The following SMCR8 variants were observed in gnomAD, a reference collection of about 807,000 sequenced individuals.
SMCR8 encodes the protein SMCR8-C9orf72 complex subunit, also known as guanine nucleotide exchange protein SMCR8.
A neutral mutation model predicts 56.6 loss-of-function variants in SMCR8; 30 were observed. The observed-to-expected ratio is 0.53, with a 90% CI of 0.40 to 0.72. SMCR8 has a LOEUF of 0.72. Ranked by LOEUF, SMCR8 falls within the 30% of genes least tolerant of loss-of-function variation. The pLI, the probability that SMCR8 is intolerant of heterozygous loss-of-function variation, is 0.00. For synonymous variants in SMCR8, 538 were observed against 456.0 expected, an observed-to-expected ratio of 1.18 and a Z score of -2.29; for missense variants, 1,198 against 1,157.0, an observed-to-expected ratio of 1.04 and a Z score of -0.51.
rs1452574411 is a variant in SMCR8 at position 18,326,140 on chromosome 17, C to T, written c.*3070C>T. On this transcript the variant is annotated 3_prime_UTR_variant, in exon 2 of 2. Coordinates refer to ENST00000406438, the MANE Select transcript of SMCR8 (RefSeq NM_144775.3). ...TTTTTAATGAAACCATTAAAAATTA[C>T]ACTTCCCAGAAAATAGATGACATCA... 2 of 152,118 alleles carry T rather than the reference C, an allele frequency of 1.3e-5. No individual in the cohort carries two copies. Among genetic ancestry groups the T allele is most frequent in the African/African-American group, 2.4e-5 (1 of 41,418 alleles). 9.4% of individuals were successfully genotyped at this position (152,118 alleles called of 1,614,324 possible).
chr17:18,325,601 A>G lies in SMCR8; in HGVS notation c.*2531A>G, dbSNP rs983066681. Reference sequence around the variant, plus strand: ...TATGTTTCCTTTCAAAGGGATCTTGACGTGGTACCAGGACTGAGTCATGAT... The same window carrying G: ...TATGTTTCCTTTCAAAGGGATCTTGGCGTGGTACCAGGACTGAGTCATGAT... On this transcript the variant is annotated 3_prime_UTR_variant, in exon 2 of 2. Coordinates refer to ENST00000406438, the MANE Select transcript of SMCR8 (RefSeq NM_144775.3). The G allele has an allele frequency of 3.9e-5, 6 of 152,330 alleles. No individual in the cohort carries two copies. The highest frequency in any genetic ancestry group is 4.1e-4 in the South Asian group (2 of 4,830). 9.4% of individuals were successfully genotyped at this position (152,330 alleles called of 1,614,324 possible).
Position 18,317,403 on chromosome 17 carries a change from A to C in SMCR8, c.1614A>C (p.Pro538=), listed in dbSNP as rs763928265. 2.4e-5 allele frequency: 38 copies of C among 1,613,976 alleles called. No individual in the cohort carries two copies. Among genetic ancestry groups the C allele is most frequent in the Admixed American group, 5.0e-5 (3 of 59,994 alleles). The change falls in exon 1 of 2, where the codon CCA becomes CCC. Residue 538 remains proline, a synonymous_variant. Coordinates refer to ENST00000406438, the MANE Select transcript of SMCR8 (RefSeq NM_144775.3). ...CTGATGACTTTAAGGCCAGCTACCC[A>C]AGTGCCATTAATGAAGAAGAATCAT... The part of the protein sequence containing the change: ...LIPDDFKASY[P]SAINEEESYP...
At chr17:18,322,499 C>A in intron 1 of SMCR8, 118 bp from the exon 2 acceptor site, 1 of 824,652 alleles carries the variant, frequency 1.2e-6, no homozygotes, top group Non-Finnish European at 1.9e-6. Context: ...CCAGGAAGAG[C>A]CAGTGCATGC....
Position 18,327,482 on chromosome 17 carries a change from AGCT to A in SMCR8, c.*4416_*4418del, listed in dbSNP as rs1185933171. 6.6e-6 allele frequency: 1 copy of A among 152,244 alleles called. No homozygotes were observed. Among genetic ancestry groups the A allele is most frequent in the Non-Finnish European group, 1.5e-5 (1 of 68,058 alleles). 9.4% of individuals were successfully genotyped at this position (152,244 alleles called of 1,614,324 possible). The stretch of plus-strand genomic sequence containing the variant: ...TGAGTCAACTCACAGATTCTGCAGC[AGCT>A]GCTCCACCCACAATAAAGCAAACGC... On this transcript the variant is annotated 3_prime_UTR_variant, in exon 2 of 2. Transcript: ENST00000406438.
chr17:18,321,199 C>A (rs193245044), intron 1 of SMCR8, among the ~76,000 whole-genome samples: 1 of 152,260 alleles, frequency 6.6e-6, no homozygotes, highest in East Asian at 1.9e-4. Context: ...ACCTGTCTGA[C>A]GTAAACCCTA....
rs1982289091 is a variant in SMCR8 at position 18,316,467 on chromosome 17, A to G, written c.678A>G (p.Ser226=). 12 of 1,614,080 alleles carry G rather than the reference A, an allele frequency of 7.4e-6. No individual in the cohort carries two copies. Among genetic ancestry groups the G allele is most frequent in the Non-Finnish European group, 1.0e-5 (12 of 1,180,048 alleles). Residue 226 remains serine, a synonymous_variant, in exon 1 of 2, where the codon TCA becomes TCG. Coordinates refer to ENST00000406438, the MANE Select transcript of SMCR8 (RefSeq NM_144775.3). ...QKKANDKGFY[S]SQAIEKANEL... is the part of the protein sequence containing the mutation. ...AAGCCAACGACAAAGGCTTTTACTC[A>G]TCTCAGGCAATTGAGAAAGCCAATG...
In SMCR8 at chr17:18,323,107, CAG is replaced by C. The variant is rs772431614; in HGVS notation, c.*38_*39del. On this transcript the variant is annotated 3_prime_UTR_variant, in exon 2 of 2. Transcript: ENST00000406438. ...GACACTGTGACCAAGACCTGTGACT[CAG>C]GGTATGGGGAGGGGAGGGGTTGGCA... is the stretch of plus-strand genomic sequence containing the variant. The C allele has an allele frequency of 2.4e-5, 37 of 1,569,186 alleles. No homozygotes were observed. The highest frequency in any genetic ancestry group is 3.5e-5 in the South Asian group (3 of 86,280).
At position 18,315,934 on chromosome 17, in the gene SMCR8, TC is replaced by T; in HGVS notation, c.147del (p.Ala51ProfsTer23). The part of the protein sequence containing the change: ...SQGANPWSKL[S>X]GAKFSRDFIL... Reference sequence around the variant, plus strand: ...GGGTGCTAACCCCTGGTCAAAACTGTCCGGGGCCAAGTTTTCGAGGGACTTC... The same window carrying T: ...GGGTGCTAACCCCTGGTCAAAACTGTCGGGGCCAAGTTTTCGAGGGACTTC... On this transcript the variant is annotated frameshift_variant, in exon 1 of 2. Coordinates refer to ENST00000406438, the MANE Select transcript of SMCR8 (RefSeq NM_144775.3). LOFTEE classifies it high-confidence loss of function. 6.2e-7 allele frequency: 1 copy of T among 1,614,180 alleles called. No homozygotes were observed. The highest frequency in any genetic ancestry group is 8.5e-7 in the Non-Finnish European group (1 of 1,180,032).
Position 18,322,521 on chromosome 17 carries a change from A to T in SMCR8, c.2361-96A>T. On this transcript the variant is annotated intron_variant, in intron 1 of 1. Transcript: ENST00000406438. ...GAGCCAGTGCATGCTGGCTAGGTGG[A>T]TGCTGGCCTGGGGACAGGAGGCCTC... The T allele has an allele frequency of 3.6e-6, 4 of 1,104,110 alleles. No individual in the cohort carries two copies. In the South Asian group the frequency reaches 4.2e-5, roughly 11 times the overall value. 68.4% of individuals were successfully genotyped at this position (1,104,110 alleles called of 1,614,324 possible).
Position 18,325,272 on chromosome 17 carries a change from C to T in SMCR8, c.*2202C>T, listed in dbSNP as rs970186333. 1.3e-5 allele frequency: 2 copies of T among 152,218 alleles called. No homozygotes were observed. The highest frequency in any genetic ancestry group is 4.8e-5 in the African/African-American group (2 of 41,442). The allele number at this position is 152,218 out of a possible 1,614,324, so 9.4% of individuals were successfully genotyped here. A position where few individuals can be genotyped will look rare whatever the true frequency, so the allele number is the denominator to read the frequency against. On this transcript the variant is annotated 3_prime_UTR_variant, in exon 2 of 2. Transcript: ENST00000406438. ...CTGAATTGCAGCCACACTTGGCCTT[C>T]TAGAAGCTGAAGTTGTGCCCTCAAG...
chr17:18,319,700 T>G (rs563505978), intron 1 of SMCR8, among the ~76,000 whole-genome samples: 1 of 152,024 alleles, frequency 6.6e-6, no homozygotes, highest in Non-Finnish European at 1.5e-5. Context: ...CATTTGCGGG[T>G]TTTTTTGTTT....
rs375580851 is a variant in SMCR8 at position 18,316,102 on chromosome 17, G to T, written c.313G>T (p.Gly105Cys). 150 of 1,613,982 alleles carry T rather than the reference G, an allele frequency of 9.3e-5. No homozygotes were observed. The highest frequency in any genetic ancestry group is 1.2e-4 in the Non-Finnish European group (146 of 1,180,042). ...MSVDYQASFV[G>C]HPPGSAYPKL... is the part of the protein sequence containing the mutation. ...TGTGGATTACCAGGCTTCCTTCGTG[G>T]GCCATCCTCCTGGATCTGCCTACCC... Residue 105 changes from glycine to cysteine, a missense_variant, in exon 1 of 2, where the codon GGC becomes TGC. Physicochemically the swap from Gly to Cys is radical, Grantham distance 159. Transcript: ENST00000406438.
intron 1 of SMCR8, among the ~76,000 whole-genome samples, chr17:18,320,640 C>T (rs1982470346): frequency 6.6e-6 from 1 of 152,184 alleles, no homozygotes; most frequent in Admixed American, 6.5e-5. Context: ...GGCCATGCAG[C>T]ATGGGTTGAG....
rs1555574362 is a variant in SMCR8 at position 18,322,604 on chromosome 17, CTG to C, written c.2361-11_2361-10del. ...CCTTGCCCTTCCTCCTGACCTTGGCCTGTCTGTTTCAGAGTGGCCTCCCCTGC... is the reference window on the plus strand; with the variant it reads ...CCTTGCCCTTCCTCCTGACCTTGGCCTCTGTTTCAGAGTGGCCTCCCCTGC... On this transcript the variant is annotated splice_polypyrimidine_tract_variant and intron_variant, in intron 1 of 1. Coordinates refer to ENST00000406438, the MANE Select transcript of SMCR8 (RefSeq NM_144775.3). The C allele has an allele frequency of 6.2e-7, 1 of 1,609,646 alleles. No individual in the cohort carries two copies. The highest frequency in any genetic ancestry group is 1.3e-5 in the African/African-American group (1 of 74,992).
Position 18,323,310 on chromosome 17 carries a change from C to T in SMCR8, c.*240C>T. The T allele has an allele frequency of 5.9e-6, 3 of 509,240 alleles. No individual in the cohort carries two copies. The East Asian group carries it at 9.5e-5, about 16-fold the overall frequency. The allele number at this position is 509,240 out of a possible 1,614,324, so 31.5% of individuals were successfully genotyped here. On this transcript the variant is annotated 3_prime_UTR_variant, in exon 2 of 2. Coordinates refer to ENST00000406438, the MANE Select transcript of SMCR8 (RefSeq NM_144775.3). ...ATTTGGCTCCCTGGTGAAGAGTGGC[C>T]CCTGGATATGGAGGGGGCCTTGGTT...
intron 1 of SMCR8, among the ~76,000 whole-genome samples, chr17:18,322,095 TC>T (rs1162172206): frequency 6.6e-6 from 1 of 152,216 alleles, no homozygotes; most frequent in Non-Finnish European, 1.5e-5. Context: ...CACTGCAAGC[TC>T]TGCCTCCTGG....
Position 18,324,792 on chromosome 17 carries a change from T to G in SMCR8, c.*1722T>G, listed in dbSNP as rs983039784. ...CTTGCTCCCATCAGAGGTGTTTGATTTTGCTCCTGGGGCTGCGATGGAGAA... is the reference window on the plus strand; with the variant it reads ...CTTGCTCCCATCAGAGGTGTTTGATGTTGCTCCTGGGGCTGCGATGGAGAA... On this transcript the variant is annotated 3_prime_UTR_variant, in exon 2 of 2. Transcript: ENST00000406438. 6.6e-6 allele frequency: 1 copy of G among 152,290 alleles called. No homozygotes were observed. Among genetic ancestry groups the G allele is most frequent in the Non-Finnish European group, 1.5e-5 (1 of 68,084 alleles). 9.4% of individuals were successfully genotyped at this position (152,290 alleles called of 1,614,324 possible). A position where few individuals can be genotyped will look rare whatever the true frequency, so the allele number is the denominator to read the frequency against.
rs1032946195 is a variant in SMCR8, at chr17:18,316,875, A to G, written c.1086A>G (p.Leu362=). 6.2e-7 allele frequency: 1 copy of G among 1,614,212 alleles called. No homozygotes were observed. The highest frequency in any genetic ancestry group is 8.5e-7 in the Non-Finnish European group (1 of 1,180,042). ...LLTSQIDRAL[L]KQQHITNFLF... ...CCAGTCAGATTGATAGAGCACTTCTAAAACAACAGCATATAACAAACTTTC... is the reference window on the plus strand; with the variant it reads ...CCAGTCAGATTGATAGAGCACTTCTGAAACAACAGCATATAACAAACTTTC... Residue 362 remains leucine, a synonymous_variant, in exon 1 of 2, where the codon CTA becomes CTG. Transcript: ENST00000406438.
rs781533018 is a variant in SMCR8 at position 18,315,939 on chromosome 17, G to C, written c.150G>C (p.Gly50=). ...QGANPWSKLS[G]AKFSRDFILI... is the part of the protein sequence containing the mutation. ...CTAACCCCTGGTCAAAACTGTCCGG[G>C]GCCAAGTTTTCGAGGGACTTCATTC... Residue 50 remains glycine, a synonymous_variant, in exon 1 of 2, where the codon GGG becomes GGC. Transcript: ENST00000406438. 2 of 1,614,106 alleles carry C rather than the reference G, an allele frequency of 1.2e-6. No individual in the cohort carries two copies. The highest frequency in any genetic ancestry group is 1.7e-5 in the Admixed American group (1 of 60,022).
Sources: allele counts gnomAD v4.1 joint callset (sites outside exome capture counted in the v4.1 genomes callset), GRCh38; gene constraint gnomAD v4.1.1; transcripts MANE v1.5; gene names NCBI Gene and HGNC (gene_info 2026-07-23, HGNC 2026-07-21).